AHCY: variants seen among roughly 807,000 people sequenced by gnomAD.
AHCY encodes the protein adenosylhomocysteinase.
AHCY carries 24 observed loss-of-function variants against 45.4 expected under a neutral mutation model. The observed-to-expected ratio is 0.53, with a 90% CI of 0.38 to 0.74. The LOEUF (loss-of-function observed/expected upper bound fraction) is 0.74, where lower values mean the gene tolerates loss of function less well. AHCY is among the 30% of genes least tolerant of loss of function. The pLI, the probability that AHCY is intolerant of heterozygous loss-of-function variation, is 0.00. For synonymous variants in AHCY, 245 were observed against 235.1 expected (o/e 1.04, Z -0.39); for missense variants, 449 against 594.1 (o/e 0.76, Z 2.54).
chr20:34,258,692 C>T, the AHCY span, among the ~76,000 whole-genome samples: 3,233 of 10,348 alleles, frequency 0.31, 609 homozygotes, highest in African/African-American at 0.52. Context: ...TATATATATA[C>T]ATACTATATA....
chr20:34,309,626 C>G (rs1476274312), intron 1 of AHCY, among the ~76,000 whole-genome samples: 2 of 151,976 alleles, frequency 1.3e-5, no homozygotes, highest in Non-Finnish European at 2.9e-5. Flanking sequence ...ACTAAAAATA[C>G]AAAAATTAGC....
chr20:34,297,508 G>A (rs543980275), intron 1 of AHCY, among the ~76,000 whole-genome samples: 2 of 152,128 alleles, frequency 1.3e-5, no homozygotes, highest in East Asian at 3.9e-4. Context: ...ATGTTGGCCA[G>A]GCTGATCTTG....
intron 9 of AHCY, 73 bp from the exon 10 acceptor site, chr20:34,281,238 A>G: frequency 2.5e-6 from 4 of 1,595,292 alleles, no homozygotes; most frequent in Non-Finnish European, 3.4e-6. Context: ...GGCTGCCAAT[A>G]GAGGCAGAAG....
intron 9 of AHCY, among the ~76,000 whole-genome samples, chr20:34,283,390 A>T (rs1411641152): frequency 1.3e-5 from 2 of 151,042 alleles, no homozygotes; most frequent in African/African-American, 5.0e-5. Flanking sequence ...TGCTACTCAG[A>T]GTCATTCGTG....
chr20:34,239,929 C>T, the AHCY span, among the ~76,000 whole-genome samples: 2 of 152,214 alleles, frequency 1.3e-5, no homozygotes, highest in African/African-American at 2.4e-5. Flanking sequence ...GGAAGCAATA[C>T]ATTGTGACTG....
At chr20:34,274,484 C>T in the AHCY span, among the ~76,000 whole-genome samples, 1 of 152,130 alleles carries the variant, frequency 6.6e-6, no homozygotes, top group African/African-American at 2.4e-5. Flanking sequence ...GAGGTGTACC[C>T]AACAGACTCC....
chr20:34,262,858 G>A, the AHCY span: 14 of 1,613,926 alleles, frequency 8.7e-6, no homozygotes, highest in South Asian at 5.5e-5. Context: ...CAAACAGATC[G>A]GCAGAAAAGC....
At chr20:34,300,020 A>C (rs2036717240) in intron 1 of AHCY, among the ~76,000 whole-genome samples, 1 of 152,134 alleles carries the variant, frequency 6.6e-6, no homozygotes, top group African/African-American at 2.4e-5. Context: ...TCCCATCTCT[A>C]CTAAAAATAC....
In AHCY at chr20:34,295,452, C is replaced by G. The variant is rs1305934308; in HGVS notation, c.162G>C (p.Leu54=). The G allele has an allele frequency of 6.2e-7, 1 of 1,614,000 alleles. No homozygotes were observed. The highest frequency in any genetic ancestry group is 8.5e-7 in the Non-Finnish European group (1 of 1,180,032). Residue 54 remains leucine (L), a synonymous_variant, in exon 2 of 10, where the codon CTG becomes CTC. Coordinates refer to ENST00000217426, the MANE Select transcript of AHCY (RefSeq NM_000687.4). ...PLKGARIAGC[L]HMTVETAVLI... is the part of the protein sequence containing the mutation. ...GGACGGCCGTCTCCACGGTCATGTG[C>G]AGGCAGCCAGCGATGCGGGCGCCCT...
the AHCY span, among the ~76,000 whole-genome samples, chr20:34,266,870 G>T: frequency 6.6e-6 from 1 of 152,154 alleles, no homozygotes; most frequent in Non-Finnish European, 1.5e-5. Context: ...TTCCCACTTT[G>T]GGAAATACTG....
rs1357707348 is a variant in AHCY at position 34,290,477 on chromosome 20, A to G, written c.855-28T>C. On this transcript the variant is annotated intron_variant, in intron 7 of 9. Coordinates refer to ENST00000217426, the MANE Select transcript of AHCY (RefSeq NM_000687.4). This position sits in a 1 kb window ranked among gnomAD's most constrained non-coding sequence, Gnocchi z 4.5. ...GTCAGGCAGCCCAAGACCGTGGGAG[A>G]TTGTCAGGGACAGAAAGCTGTCCCA... The G allele has an allele frequency of 6.2e-7, 1 of 1,613,778 alleles. No homozygotes were observed. The highest frequency in any genetic ancestry group is 8.5e-7 in the Non-Finnish European group (1 of 1,179,750).
intron 1 of AHCY, 125 bp from the exon 2 acceptor site, chr20:34,295,710 G>A (rs909427963): frequency 4.9e-5 from 47 of 964,808 alleles, no homozygotes; most frequent in Admixed American, 3.2e-4. Flanking sequence ...CTCTGTCACC[G>A]CATTCTCTCA....
At chr20:34,306,861 C>T (rs2036901190), upstream of AHCY, among the ~76,000 whole-genome samples, 1 of 152,014 alleles carries the variant, frequency 6.6e-6, no homozygotes, top group African/African-American at 2.4e-5. Flanking sequence ...CTTGAAATGA[C>T]CAAATTATAG....
chr20:34,269,328 A>T, the AHCY span: 2 of 918,954 alleles, frequency 2.2e-6, no homozygotes, highest in Non-Finnish European at 3.1e-6. Context: ...ATCGAAATAC[A>T]ATATATATAG....
At chr20:34,247,672 A>C in the AHCY span, among the ~76,000 whole-genome samples, 1 of 151,084 alleles carries the variant, frequency 6.6e-6, no homozygotes, top group Middle Eastern at 3.3e-3. Flanking sequence ...GCAGTGGCAC[A>C]AACACAGCTC....
the AHCY span, among the ~76,000 whole-genome samples, chr20:34,256,401 C>G: frequency 1.3e-5 from 2 of 152,178 alleles, no homozygotes; most frequent in African/African-American, 4.8e-5. Context: ...TACGATCTCT[C>G]GTCTCCACAC....
At chr20:34,253,267 G>A in the AHCY span, among the ~76,000 whole-genome samples, 3 of 150,912 alleles carry the variant, frequency 2.0e-5, no homozygotes, top group South Asian at 2.1e-4. Flanking sequence ...CACCACGCCC[G>A]CCTAATTTTT....
At chr20:34,288,915 A>C (rs556950494) in intron 8 of AHCY, among the ~76,000 whole-genome samples, 1 of 152,278 alleles carries the variant, frequency 6.6e-6, no homozygotes, top group East Asian at 1.9e-4. Flanking sequence ...TCAGTGCCCC[A>C]ATGCCCAATG....
the AHCY span, among the ~76,000 whole-genome samples, chr20:34,271,642 C>G: frequency 5.3e-5 from 8 of 150,806 alleles, no homozygotes; most frequent in Non-Finnish European, 1.2e-4. Flanking sequence ...ATGGGTTCAC[C>G]ACAGCCTCTG....
Sources: allele counts gnomAD v4.1 joint callset (sites outside exome capture counted in the v4.1 genomes callset), GRCh38; gene constraint gnomAD v4.1.1; non-coding constraint Gnocchi (gnomAD v3.1); transcripts MANE v1.5; gene names NCBI Gene and HGNC (gene_info 2026-07-23, HGNC 2026-07-21).